The following SEZ6L variants were observed in gnomAD, a reference collection of about 807,000 sequenced individuals.
SEZ6L encodes the protein seizure related 6 homolog like.
Under a neutral mutation model 106.2 loss-of-function variants are expected in SEZ6L, and 37 were observed. That is an observed-to-expected ratio of 0.35 (90% CI 0.27 to 0.46). SEZ6L has a LOEUF of 0.46. Among genes scored for constraint, SEZ6L ranks in the 20% least tolerant of loss-of-function variants. The pLI, the probability that SEZ6L is intolerant of heterozygous loss-of-function variation, is 1.00. For missense variants in SEZ6L, 1,172 were observed against 1,332.8 expected, an observed-to-expected ratio of 0.88 and a Z score of 1.88; for synonymous variants, 541 against 570.4, an observed-to-expected ratio of 0.95 and a Z score of 0.73.
rs754107857 is a variant in SEZ6L at position 26,365,479 on chromosome 22, G to C, written c.2707G>C (p.Glu903Gln). 2.5e-6 allele frequency: 4 copies of C among 1,614,064 alleles called. No homozygotes were observed. Among genetic ancestry groups the C allele is most frequent in the Non-Finnish European group, 3.4e-6 (4 of 1,180,036 alleles). Reference sequence around the variant, plus strand: ...AGAGTCCCTCACCTTCATGTGCTACGAAGGCTTTGAGCTCATGGGTGAAGT... The same window carrying C: ...AGAGTCCCTCACCTTCATGTGCTACCAAGGCTTTGAGCTCATGGGTGAAGT... The part of the protein sequence containing the change: ...PGESLTFMCY[E>Q]GFELMGEVTI... Residue 903 changes from glutamate (E) to glutamine (Q), a missense_variant, in exon 13 of 17, where the codon GAA becomes CAA. Glu to Gln is a conservative substitution (Grantham distance 29). Coordinates refer to ENST00000248933, the MANE Select transcript of SEZ6L (RefSeq NM_021115.5).
At position 26,232,785 on chromosome 22, in the gene SEZ6L, G is replaced by A. The variant is rs915684501; in HGVS notation, c.95-59621G>A. Among the ~76,000 whole-genome samples, 5 of 152,114 alleles carry A rather than the reference G, an allele frequency of 3.3e-5. No individual in the cohort carries two copies. In the East Asian group the frequency reaches 9.6e-4, roughly 29 times the overall value. The stretch of plus-strand genomic sequence containing the variant: ...AAACCATGTAATTATACATTTCTCA[G>A]AACATATCCCTGTCATTAAGTGACA... On this transcript the variant is annotated intron_variant, in intron 1 of 16. Transcript: ENST00000248933.
chr22:26,190,284 C>T (rs1486156073), intron 1 of SEZ6L, among the ~76,000 whole-genome samples: 1 of 151,984 alleles, frequency 6.6e-6, no homozygotes, highest in African/African-American at 2.4e-5. Context: ...TGTAAAGTTA[C>T]ATGAGGTTAT....
chr22:26,325,628 A>C (rs754913848), intron 9 of SEZ6L, among the ~76,000 whole-genome samples: 7 of 152,190 alleles, frequency 4.6e-5, no homozygotes, highest in Non-Finnish European at 8.8e-5. Context: ...GCCTTCACCT[A>C]CAGTAAGAAG....
chr22:26,330,565 C>A (rs1483533518), intron 9 of SEZ6L, among the ~76,000 whole-genome samples: 1 of 152,104 alleles, frequency 6.6e-6, no homozygotes, highest in Non-Finnish European at 1.5e-5. Flanking sequence ...CTTTAAGGGT[C>A]TAGGAGCTGC....
intron 1 of SEZ6L, among the ~76,000 whole-genome samples, chr22:26,213,369 C>T (rs982041787): frequency 2.0e-5 from 3 of 152,222 alleles, no homozygotes; most frequent in Admixed American, 1.3e-4. Flanking sequence ...GCTGGGCATT[C>T]GCTTTCCGAC....
At chr22:26,329,136 G>T (rs1451565939) in intron 9 of SEZ6L, among the ~76,000 whole-genome samples, 1 of 152,132 alleles carries the variant, frequency 6.6e-6, no homozygotes, top group African/African-American at 2.4e-5. Flanking sequence ...GAGGAAGAGA[G>T]GGTGGAAGGA....
chr22:26,185,767 T>C (rs1290362392), intron 1 of SEZ6L, among the ~76,000 whole-genome samples: 2 of 152,070 alleles, frequency 1.3e-5, no homozygotes, highest in Non-Finnish European at 2.9e-5. Context: ...GCCTGATACT[T>C]CCATTTTACA....
At chr22:26,261,737 G>A (rs2080013205) in intron 1 of SEZ6L, among the ~76,000 whole-genome samples, 1 of 152,224 alleles carries the variant, frequency 6.6e-6, no homozygotes, top group Admixed American at 6.5e-5. Context: ...ATTGGCCAAG[G>A]TGAGGTCTCT....
At chr22:26,320,204 C>T (rs1260354134) in intron 9 of SEZ6L, among the ~76,000 whole-genome samples, 1 of 152,118 alleles carries the variant, frequency 6.6e-6, no homozygotes, top group South Asian at 2.1e-4. Context: ...ACTTCAAGGT[C>T]CCCCAATCCA....
At chr22:26,326,330 C>T (rs964206277) in intron 9 of SEZ6L, among the ~76,000 whole-genome samples, 7 of 152,310 alleles carry the variant, frequency 4.6e-5, no homozygotes, top group South Asian at 2.1e-4. Flanking sequence ...CCCTGACATG[C>T]GCTGTCCTCC....
chr22:26,286,745 CTTTT>C (rs137200), intron 1 of SEZ6L, among the ~76,000 whole-genome samples: 1 of 118,644 alleles, frequency 8.4e-6, no homozygotes. Flanking sequence ...AGAGCTTGTG[CTTTT>C]TTTTTTTTTT....
chr22:26,210,257 C>A (rs1266720281), intron 1 of SEZ6L, among the ~76,000 whole-genome samples: 1 of 152,054 alleles, frequency 6.6e-6, no homozygotes, highest in Non-Finnish European at 1.5e-5. Flanking sequence ...GGGGGAAAGA[C>A]AAAGCAACAA....
At chr22:26,227,153 C>T (rs1248680794) in intron 1 of SEZ6L, among the ~76,000 whole-genome samples, 1 of 152,212 alleles carries the variant, frequency 6.6e-6, no homozygotes, top group Non-Finnish European at 1.5e-5. Flanking sequence ...GCTCAGCGAA[C>T]ATCTGCTGAA....
intron 1 of SEZ6L, among the ~76,000 whole-genome samples, chr22:26,188,543 A>G (rs372142285): frequency 1.3e-5 from 2 of 152,170 alleles, no homozygotes; most frequent in Admixed American, 6.5e-5. Flanking sequence ...CTCTCTAAAC[A>G]TGACTTGGCA....
intron 1 of SEZ6L, among the ~76,000 whole-genome samples, chr22:26,277,856 A>G (rs1262202804): frequency 6.6e-6 from 1 of 152,226 alleles, no homozygotes; most frequent in African/African-American, 2.4e-5. Flanking sequence ...TAGGGAAGAC[A>G]GGAAAGAAGC....
chr22:26,239,618 G>C (rs2079052735), intron 1 of SEZ6L, among the ~76,000 whole-genome samples: 1 of 152,030 alleles, frequency 6.6e-6, no homozygotes, highest in African/African-American at 2.4e-5. Context: ...TGAGACCCCA[G>C]ACCCCTGACT....
chr22:26,373,079 T>C (rs1171213588), intron 13 of SEZ6L, among the ~76,000 whole-genome samples: 2 of 152,242 alleles, frequency 1.3e-5, no homozygotes, highest in African/African-American at 4.8e-5. Flanking sequence ...TTCACTTCTC[T>C]GAACCTCTGT....
At chr22:26,355,581 T>C (rs1420849382) in intron 12 of SEZ6L, among the ~76,000 whole-genome samples, 2 of 152,012 alleles carry the variant, frequency 1.3e-5, no homozygotes, top group Non-Finnish European at 2.9e-5. Flanking sequence ...AATACAAAAA[T>C]TAGCCAGACT....
At chr22:26,245,599 C>G (rs1035627493) in intron 1 of SEZ6L, among the ~76,000 whole-genome samples, 4 of 152,164 alleles carry the variant, frequency 2.6e-5, no homozygotes, top group African/African-American at 7.2e-5. Context: ...GTACACAATG[C>G]CTGGGTCAGG....
Sources: allele counts gnomAD v4.1 joint callset (sites outside exome capture counted in the v4.1 genomes callset), GRCh38; gene constraint gnomAD v4.1.1; transcripts MANE v1.5; gene names NCBI Gene and HGNC (gene_info 2026-07-23, HGNC 2026-07-21).